The following MNAT1 variants were observed in gnomAD, a reference collection of about 807,000 sequenced individuals.
MNAT1 encodes the protein CDK-activating kinase assembly factor MAT1.
MNAT1 carries 43 observed loss-of-function variants against 42.0 expected under a neutral mutation model. That is an observed-to-expected ratio of 1.02 (90% confidence interval 0.80 to 1.32). The LOEUF (loss-of-function observed/expected upper bound fraction) is 1.32, where lower values mean the gene tolerates loss of function less well. Among genes scored for constraint, MNAT1 ranks in the 40% most tolerant of loss-of-function variants. The pLI, the probability that MNAT1 is intolerant of heterozygous loss-of-function variation, is 0.00. For synonymous variants in MNAT1, 118 were observed against 120.0 expected, an observed-to-expected ratio of 0.98 and a Z score of 0.11; for missense variants, 306 against 350.4, an observed-to-expected ratio of 0.87 and a Z score of 1.01.
At chr14:60,916,694 G>A (rs1242419349) in intron 7 of MNAT1, among the ~76,000 whole-genome samples, 1 of 152,158 alleles carries the variant, frequency 6.6e-6, no homozygotes, top group African/African-American at 2.4e-5. Flanking sequence ...GCTTATGCCT[G>A]TAATCCTAGC....
At chr14:60,790,807 A>G (rs1050966353) in intron 1 of MNAT1, among the ~76,000 whole-genome samples, 9 of 152,174 alleles carry the variant, frequency 5.9e-5, no homozygotes, top group South Asian at 2.1e-4. Flanking sequence ...GCCCTCATCT[A>G]TGTAGTAAGG....
chr14:60,839,806 C>T (rs1370349407), intron 6 of MNAT1, among the ~76,000 whole-genome samples: 1 of 152,258 alleles, frequency 6.6e-6, no homozygotes, highest in African/African-American at 2.4e-5. Flanking sequence ...GTGCCTGGAG[C>T]TGCCCACCCT....
At chr14:60,845,223 G>T (rs2033653384) in intron 6 of MNAT1, among the ~76,000 whole-genome samples, 1 of 151,692 alleles carries the variant, frequency 6.6e-6, no homozygotes, top group African/African-American at 2.4e-5. Flanking sequence ...TTTCTATAGG[G>T]TTCAGTAGTG....
At chr14:60,902,501 G>A (rs1217127619) in intron 7 of MNAT1, among the ~76,000 whole-genome samples, 1 of 152,064 alleles carries the variant, frequency 6.6e-6, no homozygotes, top group African/African-American at 2.4e-5. Context: ...GTTGGCAAAA[G>A]CAACAAAGCA....
At chr14:60,853,642 T>G (rs1181482152) in intron 6 of MNAT1, among the ~76,000 whole-genome samples, 5 of 152,236 alleles carry the variant, frequency 3.3e-5, no homozygotes, top group South Asian at 2.1e-4. Context: ...AAGGGAATGC[T>G]TCCAGCTTTT....
chr14:60,761,969 A>G (rs927597062), intron 1 of MNAT1, among the ~76,000 whole-genome samples: 3 of 152,262 alleles, frequency 2.0e-5, no homozygotes, highest in Admixed American at 2.0e-4. Flanking sequence ...GGATCAAACT[A>G]TCTAGATCTG....
intron 7 of MNAT1, among the ~76,000 whole-genome samples, chr14:60,928,793 C>G (rs898721616): frequency 6.6e-6 from 1 of 151,390 alleles, no homozygotes; most frequent in Non-Finnish European, 1.5e-5. Context: ...AAAGCACTTG[C>G]CATATATATA....
chr14:60,893,786 A>G (rs1045522157), intron 7 of MNAT1, among the ~76,000 whole-genome samples: 8 of 151,940 alleles, frequency 5.3e-5, no homozygotes, highest in African/African-American at 1.7e-4. Flanking sequence ...TGAGCCACAG[A>G]GGGCTTCTCT....
At chr14:60,868,735 G>A (rs1162817093) in intron 6 of MNAT1, among the ~76,000 whole-genome samples, 3 of 151,978 alleles carry the variant, frequency 2.0e-5, no homozygotes, top group African/African-American at 7.2e-5. Context: ...TTGAAATTTT[G>A]TTAAAATAAC....
At chr14:60,822,018 C>T (rs185640799) in intron 6 of MNAT1, among the ~76,000 whole-genome samples, 4 of 152,122 alleles carry the variant, frequency 2.6e-5, no homozygotes, top group Admixed American at 2.0e-4. Context: ...TTTTACATTC[C>T]ATTACCAATG....
chr14:60,936,270 G>A (rs1406305930), intron 7 of MNAT1, among the ~76,000 whole-genome samples: 1 of 152,136 alleles, frequency 6.6e-6, no homozygotes, highest in Non-Finnish European at 1.5e-5. Flanking sequence ...GGGTACATGT[G>A]CACAACGTGC....
At chr14:60,899,595 A>G (rs1001765692) in intron 7 of MNAT1, among the ~76,000 whole-genome samples, 1 of 152,196 alleles carries the variant, frequency 6.6e-6, no homozygotes, top group African/African-American at 2.4e-5. Flanking sequence ...TATTAGCACT[A>G]TTAATTTTGT....
chr14:60,962,312 C>T (rs2139622219), intron 7 of MNAT1, among the ~76,000 whole-genome samples: 1 of 152,196 alleles, frequency 6.6e-6, no homozygotes, highest in Non-Finnish European at 1.5e-5. Flanking sequence ...TATCTTTTGG[C>T]CTATTAGCTA....
intron 6 of MNAT1, among the ~76,000 whole-genome samples, chr14:60,859,494 C>T (rs2034043397): frequency 6.6e-6 from 1 of 152,122 alleles, no homozygotes; most frequent in Admixed American, 6.5e-5. Flanking sequence ...CAGATTTTTA[C>T]ATTGGGAAAT....
chr14:60,790,060 G>C (rs2031770045), intron 1 of MNAT1, among the ~76,000 whole-genome samples: 1 of 152,086 alleles, frequency 6.6e-6, no homozygotes, highest in African/African-American at 2.4e-5. Flanking sequence ...GAGGTAACTT[G>C]TGGGATATCA....
Position 60,766,221 on chromosome 14 carries a change from G to A in MNAT1, c.90-29996G>A, listed in dbSNP as rs536981619. On this transcript the variant is annotated intron_variant, in intron 1 of 7. Coordinates refer to ENST00000261245, the MANE Select transcript of MNAT1 (RefSeq NM_002431.4). Reference sequence around the variant, plus strand: ...AAATTAGCCAGGCTTGGTGGTGGGCGCCCATAATCCCAGCTACTTGGGAGG... The same window carrying A: ...AAATTAGCCAGGCTTGGTGGTGGGCACCCATAATCCCAGCTACTTGGGAGG... 4.0e-4 allele frequency among the ~76,000 whole-genome samples: 60 copies of A among 151,812 alleles called. 1 individual carries two copies. The South Asian group carries it at 0.012, about 30-fold the overall frequency.
intron 7 of MNAT1, among the ~76,000 whole-genome samples, chr14:60,958,781 C>T (rs946264065): frequency 3.3e-5 from 5 of 151,766 alleles, no homozygotes; most frequent in Admixed American, 2.0e-4. Flanking sequence ...GGACTACAGG[C>T]GCCCACCACC....
chr14:60,848,006 C>G (rs772308239), intron 6 of MNAT1, among the ~76,000 whole-genome samples: 1 of 151,986 alleles, frequency 6.6e-6, no homozygotes, highest in Non-Finnish European at 1.5e-5. Context: ...TTAGATTTGT[C>G]TATGTAATTA....
At chr14:60,869,041 T>TATATATATATATATATATATA (rs373998263) in intron 6 of MNAT1, among the ~76,000 whole-genome samples, 72 of 92,718 alleles carry the variant, frequency 7.8e-4, no homozygotes, top group East Asian at 2.0e-3. Flanking sequence ...TATATATATA[T>TATATATATATATATATATATA]TTTTTTTTTT....
Sources: gnomAD v4.1 joint callset for allele counts (sites outside exome capture counted in the v4.1 genomes callset) on GRCh38, gnomAD v4.1.1 for gene constraint, MANE v1.5 for transcripts, NCBI Gene and HGNC (gene_info 2026-07-23, HGNC 2026-07-21) for gene names.